The following AGPAT4 variants were observed in gnomAD, a reference collection of about 807,000 sequenced individuals.
The protein encoded by AGPAT4 is 1-acylglycerol-3-phosphate O-acyltransferase 4.
Under a neutral mutation model 48.0 loss-of-function variants are expected in AGPAT4, and 15 were observed. The observed-to-expected ratio is 0.31, with a 90% CI of 0.21 to 0.48. AGPAT4 has a LOEUF of 0.48. Among genes scored for constraint, AGPAT4 ranks in the 20% least tolerant of loss-of-function variants. The probability of loss-of-function intolerance (pLI) is 0.99; values close to 1 mark genes in which losing one functional copy is unlikely to be tolerated. For missense variants in AGPAT4, 314 were observed against 482.5 expected, an observed-to-expected ratio of 0.65 and a Z score of 3.27; for synonymous variants, 178 against 198.7, an observed-to-expected ratio of 0.90 and a Z score of 0.88.
Position 161,259,313 on chromosome 6 carries a change from G to A in AGPAT4, c.-90+14625C>T, listed in dbSNP as rs141626358. ...TTCTTAGTTATGGTCACAATGCCAT[G>A]TAACAGACCTCTGCACCCCTGAAGC... is the stretch of plus-strand genomic sequence containing the variant. On this transcript the variant is annotated intron_variant, in intron 1 of 8. Transcript: ENST00000320285. This position sits in a 1 kb window ranked among gnomAD's most constrained non-coding sequence, Gnocchi z 4.9. 4.4e-3 allele frequency among the ~76,000 whole-genome samples: 677 copies of A among 152,186 alleles called. 7 individuals carry two copies. Among genetic ancestry groups the A allele is most frequent in the African/African-American group, 0.016 (653 of 41,528 alleles).
chr6:161,188,496 T>C (rs911531739), intron 2 of AGPAT4, among the ~76,000 whole-genome samples: 1 of 152,190 alleles, frequency 6.6e-6, no homozygotes, highest in African/African-American at 2.4e-5. Context: ...GATGACCAGG[T>C]AAAATACAAG....
chr6:161,170,751 A>G (rs1780247447), intron 2 of AGPAT4, among the ~76,000 whole-genome samples: 1 of 152,178 alleles, frequency 6.6e-6, no homozygotes, highest in Non-Finnish European at 1.5e-5. Flanking sequence ...AGCTGCTTCC[A>G]TTTGAGGTGG....
intron 3 of AGPAT4, among the ~76,000 whole-genome samples, chr6:161,156,119 G>A (rs1373169857): frequency 6.6e-6 from 1 of 152,214 alleles, no homozygotes; most frequent in Non-Finnish European, 1.5e-5. Flanking sequence ...GGTCACCTGG[G>A]ATGGGAGTCT....
chr6:161,165,854 T>A lies in AGPAT4; in HGVS notation c.348+394A>T. The A allele has an allele frequency of 1.7e-6, 1 of 592,244 alleles. No individual in the cohort carries two copies. The allele number at this position is 592,244 out of a possible 1,614,324, so 36.7% of individuals were successfully genotyped here. On this transcript the variant is annotated intron_variant, in intron 3 of 8. Coordinates refer to ENST00000320285, the MANE Select transcript of AGPAT4 (RefSeq NM_020133.3). This position sits in a 1 kb window ranked among gnomAD's most constrained non-coding sequence, Gnocchi z 5.5. Reference sequence around the variant, plus strand: ...GTCTGCCTGTTAGCCAAGGAGGCAGTAGAGCATGGAATTAAGAAATATGGA... The same window carrying A: ...GTCTGCCTGTTAGCCAAGGAGGCAGAAGAGCATGGAATTAAGAAATATGGA...
intron 2 of AGPAT4, among the ~76,000 whole-genome samples, chr6:161,181,504 A>AGGGGGG: frequency 7.0e-6 from 1 of 142,094 alleles, no homozygotes; most frequent in African/African-American, 2.5e-5. Context: ...TGGGGGTAGC[A>AGGGGGG]GGGGGCGGGG....
Position 161,154,162 on chromosome 6 carries a change from G to T in AGPAT4, c.497C>A (p.Pro166His). The T allele has an allele frequency of 6.2e-7, 1 of 1,614,118 alleles. No homozygotes were observed. The highest frequency in any genetic ancestry group is 8.5e-7 in the Non-Finnish European group (1 of 1,180,036). Residue 166 changes from proline to histidine, a missense_variant, in exon 4 of 9, where the codon CCC (proline) becomes CAC (histidine). Coordinates refer to ENST00000320285, the MANE Select transcript of AGPAT4 (RefSeq NM_020133.3). This position sits in a 1 kb window ranked among gnomAD's most constrained non-coding sequence, Gnocchi z 7.8. ...GTGCCTACATACAAAATACTTCTCG[G>T]GGTAGTCCCGGAGGTGCTGCAAACT... ...ATSLQHLRDY[P>H]EKYFFLIHCE...
At position 161,207,001 on chromosome 6, in the gene AGPAT4, C is replaced by T. The variant is rs145089553; in HGVS notation, c.178+25035G>A. On this transcript the variant is annotated intron_variant, in intron 2 of 8. Transcript: ENST00000320285. ...CAGAGAAAATAGGCTGAAAAATAGT[C>T]CTTTCAGTTATCTAATGGAATATTC... Among the ~76,000 whole-genome samples the T allele has an allele frequency of 3.0e-3, 462 of 152,236 alleles. 3 individuals are homozygous for T. The highest frequency in any genetic ancestry group is 0.011 in the African/African-American group (443 of 41,552).
In AGPAT4 at chr6:161,242,152, G is replaced by T. The variant is rs1424924774; in HGVS notation, c.-89-9850C>A. Reference sequence around the variant, plus strand: ...GTTCTCACAAAAACCCACTATGAAAGGTATTGCCATTCTCACATTATAGAT... The same window carrying T: ...GTTCTCACAAAAACCCACTATGAAATGTATTGCCATTCTCACATTATAGAT... On this transcript the variant is annotated intron_variant, in intron 1 of 8. Coordinates refer to ENST00000320285, the MANE Select transcript of AGPAT4 (RefSeq NM_020133.3). The surrounding 1 kb of genome is among the most constrained non-coding windows in gnomAD (Gnocchi z 5.0). Among the ~76,000 whole-genome samples, 2 of 152,160 alleles carry T rather than the reference G, an allele frequency of 1.3e-5. No individual in the cohort carries two copies. The highest frequency in any genetic ancestry group is 2.9e-5 in the Non-Finnish European group (2 of 68,030).
In AGPAT4 at chr6:161,219,866, GATAGA is replaced by G. The variant is rs1781765748; in HGVS notation, c.178+12165_178+12169del. On this transcript the variant is annotated intron_variant, in intron 2 of 8. Transcript: ENST00000320285. The surrounding 1 kb of genome is among the most constrained non-coding windows in gnomAD (Gnocchi z 4.9). ...AGATAGATAGATAGATAGATAGATA[GATAGA>G]TAGGCAGGCAGGCAGGCAGGCAGGC... 1.6e-5 allele frequency among the ~76,000 whole-genome samples: 2 copies of G among 121,420 alleles called. No individual in the cohort carries two copies. The highest frequency in any genetic ancestry group is 2.2e-4 in the East Asian group (1 of 4,522). 79.7% of individuals were successfully genotyped at this position (121,420 alleles called of 152,430 possible). A position where few individuals can be genotyped will look rare whatever the true frequency, so the allele number is the denominator to read the frequency against.
At chr6:161,160,104 A>ATTTTTTTTTTT (rs5881394) in intron 3 of AGPAT4, 3 of 74,010 alleles carry the variant, frequency 4.1e-5, no homozygotes, top group Non-Finnish European at 7.2e-5. Flanking sequence ...CACCCAGCTA[A>ATTTTTTTTTTT]TTTTTTTTTT....
chr6:161,187,636 C>T (rs1426174560), intron 2 of AGPAT4, among the ~76,000 whole-genome samples: 1 of 152,062 alleles, frequency 6.6e-6, no homozygotes, highest in African/African-American at 2.4e-5. Context: ...CTCTACCTCT[C>T]GCGTTCAAAT....
In AGPAT4 at chr6:161,219,872, T is replaced by TAGATAGATAGGCAGGCAGGCAGGC. The variant is rs1375144242; in HGVS notation, c.178+12163_178+12164insGCCTGCCTGCCTGCCTATCTATCT. Among the ~76,000 whole-genome samples, 1 of 121,166 alleles carries TAGATAGATAGGCAGGCAGGCAGGC rather than the reference T, an allele frequency of 8.3e-6. No homozygotes were observed. The allele number at this position is 121,166 out of a possible 152,430, so 79.5% of individuals were successfully genotyped here. ...ATAGATAGATAGATAGATAGATAGA[T>TAGATAGATAGGCAGGCAGGCAGGC]AGGCAGGCAGGCAGGCAGGCAGGCA... is the stretch of plus-strand genomic sequence containing the variant. On this transcript the variant is annotated intron_variant, in intron 2 of 8. Coordinates refer to ENST00000320285, the MANE Select transcript of AGPAT4 (RefSeq NM_020133.3). This position sits in a 1 kb window ranked among gnomAD's most constrained non-coding sequence, Gnocchi z 4.9.
At chr6:161,230,394 T>A (rs574356347) in intron 2 of AGPAT4, among the ~76,000 whole-genome samples, 1 of 152,276 alleles carries the variant, frequency 6.6e-6, no homozygotes, top group Admixed American at 6.5e-5. Flanking sequence ...TAAATGCAGG[T>A]TTCAATGAAA....
intron 2 of AGPAT4, among the ~76,000 whole-genome samples, chr6:161,176,569 A>T (rs994451740): frequency 6.6e-6 from 1 of 152,160 alleles, no homozygotes; most frequent in African/African-American, 2.4e-5. Context: ...AATACAGCAC[A>T]CTGATGGGTC....
rs1442150233 is a variant in AGPAT4, at chr6:161,219,949, G to GGCAGAC, written c.178+12086_178+12087insGTCTGC. ...AGGCAGGCAGGCAGGCAGGCAGGCA[G>GGCAGAC]ACAGACAGACAGACAGACAGGCAGG... is the stretch of plus-strand genomic sequence containing the variant. On this transcript the variant is annotated intron_variant, in intron 2 of 8. Coordinates refer to ENST00000320285, the MANE Select transcript of AGPAT4 (RefSeq NM_020133.3). The surrounding 1 kb of genome is among the most constrained non-coding windows in gnomAD (Gnocchi z 4.9). 1.3e-5 allele frequency among the ~76,000 whole-genome samples: 2 copies of GGCAGAC among 150,140 alleles called. No homozygotes were observed. Among genetic ancestry groups the GGCAGAC allele is most frequent in the Non-Finnish European group, 3.0e-5 (2 of 67,792 alleles).
intron 1 of AGPAT4, among the ~76,000 whole-genome samples, chr6:161,241,203 C>T (rs952715045): frequency 7.0e-6 from 1 of 143,560 alleles, no homozygotes; most frequent in Non-Finnish European, 1.5e-5. Flanking sequence ...GTGGAGGTTG[C>T]AGTGACCCAA....
intron 2 of AGPAT4, among the ~76,000 whole-genome samples, chr6:161,193,869 T>C (rs938475631): frequency 1.3e-5 from 2 of 152,224 alleles, no homozygotes; most frequent in African/African-American, 4.8e-5. Flanking sequence ...TAAAAATATA[T>C]TTTATCCAAT....
At position 161,166,556 on chromosome 6, in the gene AGPAT4, C is replaced by T. The variant is rs992602249; in HGVS notation, c.179-139G>A. On this transcript the variant is annotated intron_variant, in intron 2 of 8. Transcript: ENST00000320285. The surrounding 1 kb of genome is among the most constrained non-coding windows in gnomAD (Gnocchi z 6.7). ...AAGTTCTGGATCGTTGCAGCACAGA[C>T]CTTGGTCCTTGAAAGGGTTCAGAAG... 4.4e-6 allele frequency: 4 copies of T among 909,130 alleles called. No homozygotes were observed. Among genetic ancestry groups the T allele is most frequent in the African/African-American group, 3.4e-5 (2 of 58,438 alleles). 56.3% of individuals were successfully genotyped at this position (909,130 alleles called of 1,614,324 possible).
At chr6:161,172,178 T>A (rs994052650) in intron 2 of AGPAT4, among the ~76,000 whole-genome samples, 10 of 152,130 alleles carry the variant, frequency 6.6e-5, no homozygotes, top group African/African-American at 1.9e-4. Context: ...TATGACCTCC[T>A]AGAGAAAAGC....
Sources: allele counts gnomAD v4.1 joint callset (sites outside exome capture counted in the v4.1 genomes callset), GRCh38; gene constraint gnomAD v4.1.1; non-coding constraint Gnocchi (gnomAD v3.1); transcripts MANE v1.5; gene names NCBI Gene and HGNC (gene_info 2026-07-23, HGNC 2026-07-21).